NTM: variants seen among roughly 807,000 people sequenced by gnomAD.
NTM encodes the protein neurotrimin.
Under a neutral mutation model 42.1 loss-of-function variants are expected in NTM, and 13 were observed. The ratio of observed to expected loss-of-function variants is 0.31; its 90% CI spans 0.20 to 0.49. The LOEUF (loss-of-function observed/expected upper bound fraction) is 0.49, where lower values mean the gene tolerates loss of function less well. NTM is among the 20% of genes least tolerant of loss of function. The pLI is 0.99. For missense variants in NTM, 373 were observed against 452.8 expected (o/e 0.82, Z 1.60); for synonymous variants, 187 against 179.2 (o/e 1.04, Z -0.35).
intron 1 of NTM, among the ~76,000 whole-genome samples, chr11:131,473,314 C>T (rs1952622248): frequency 6.6e-6 from 1 of 152,082 alleles, no homozygotes; most frequent in Admixed American, 6.5e-5. Flanking sequence ...ATCTCCCATG[C>T]TTTGACAACT....
At chr11:131,435,611 G>T (rs1034199832) in intron 1 of NTM, among the ~76,000 whole-genome samples, 1 of 152,208 alleles carries the variant, frequency 6.6e-6, no homozygotes, top group African/African-American at 2.4e-5. Flanking sequence ...GCATAGGAAT[G>T]CTTGTGATTT....
chr11:131,862,353 T>C (rs1426986582), intron 1 of NTM, among the ~76,000 whole-genome samples: 1 of 152,182 alleles, frequency 6.6e-6, no homozygotes, highest in African/African-American at 2.4e-5. Flanking sequence ...TCAGACAAGA[T>C]AGCAACTTCC....
chr11:131,543,877 A>G (rs1244950862), intron 1 of NTM, among the ~76,000 whole-genome samples: 1 of 152,166 alleles, frequency 6.6e-6, no homozygotes, highest in East Asian at 1.9e-4. Context: ...TGCTCATTCT[A>G]ATTAATAACA....
At chr11:131,875,919 T>C (rs1195710743) in intron 1 of NTM, among the ~76,000 whole-genome samples, 1 of 152,030 alleles carries the variant, frequency 6.6e-6, no homozygotes, top group Non-Finnish European at 1.5e-5. Context: ...GAAGGGTGAG[T>C]GGTGGCAGAG....
chr11:132,240,988 A>ACAGT (rs2090095958), intron 4 of NTM, among the ~76,000 whole-genome samples: 1 of 152,212 alleles, frequency 6.6e-6, no homozygotes, highest in Admixed American at 6.5e-5. Flanking sequence ...GTGAGAGGTC[A>ACAGT]CAGTCAAAAC....
chr11:131,402,765 A>G (rs892793058), intron 1 of NTM, among the ~76,000 whole-genome samples: 4 of 152,200 alleles, frequency 2.6e-5, no homozygotes, highest in African/African-American at 9.7e-5. Flanking sequence ...AGTACTATTG[A>G]ATCTTTACCA....
At chr11:131,633,986 G>A (rs1240614218) in intron 1 of NTM, among the ~76,000 whole-genome samples, 1 of 152,128 alleles carries the variant, frequency 6.6e-6, no homozygotes, top group East Asian at 1.9e-4. Context: ...AAATGAGACA[G>A]CCCAAAATCA....
At chr11:131,463,413 C>T (rs572632314) in intron 1 of NTM, among the ~76,000 whole-genome samples, 8 of 152,222 alleles carry the variant, frequency 5.3e-5, no homozygotes, top group East Asian at 1.9e-4. Context: ...CTGAGCCAAA[C>T]GCTTGACTGC....
chr11:131,497,608 G>A (rs866811984), intron 1 of NTM, among the ~76,000 whole-genome samples: 3 of 152,308 alleles, frequency 2.0e-5, no homozygotes, highest in Middle Eastern at 3.4e-3. Flanking sequence ...CAGAGTGTAG[G>A]ATACAGTAAG....
chr11:132,218,206 A>G (rs1031689566), intron 4 of NTM, among the ~76,000 whole-genome samples: 1 of 152,184 alleles, frequency 6.6e-6, no homozygotes, highest in Non-Finnish European at 1.5e-5. Flanking sequence ...AGGGGAGAAG[A>G]GGGCAAAATG....
chr11:131,840,070 G>A (rs1056159982), intron 1 of NTM, among the ~76,000 whole-genome samples: 3 of 152,228 alleles, frequency 2.0e-5, no homozygotes, highest in Non-Finnish European at 4.4e-5. Flanking sequence ...TAAGGACATC[G>A]CACTTGGTGT....
chr11:132,037,380 A>G (rs1031016235), intron 2 of NTM, among the ~76,000 whole-genome samples: 3 of 152,180 alleles, frequency 2.0e-5, no homozygotes, highest in African/African-American at 7.2e-5. Context: ...CTGCAGTACC[A>G]TGAGCCAAAT....
In NTM at chr11:132,335,846, C is replaced by T. The variant is rs994478752; in HGVS notation, c.*700C>T. 5.3e-5 allele frequency: 8 copies of T among 151,520 alleles called. No homozygotes were observed. Among genetic ancestry groups the T allele is most frequent in the African/African-American group, 1.9e-4 (8 of 41,056 alleles). 9.4% of individuals were successfully genotyped at this position (151,520 alleles called of 1,614,324 possible). The stretch of plus-strand genomic sequence containing the variant: ...ATGAGTCTAGAACTTACTGCAAAAA[C>T]AAGACAAAACTAAAAAAATACAACT... On this transcript the variant is annotated 3_prime_UTR_variant, in exon 9 of 9. Coordinates refer to ENST00000683400, the MANE Select transcript of NTM (RefSeq NM_001352005.2).
intron 1 of NTM, among the ~76,000 whole-genome samples, chr11:131,400,980 CA>C (rs1945071106): frequency 3.0e-4 from 1 of 3,374 alleles, no homozygotes. Context: ...TGCCACCTGC[CA>C]CACACACACA....
rs147618278 is a variant in NTM at position 131,524,235 on chromosome 11, CCTT to C, written c.82+153353_82+153355del. Among the ~76,000 whole-genome samples the C allele has an allele frequency of 6.4e-3, 971 of 152,298 alleles. 4 individuals carry two copies. Among genetic ancestry groups the C allele is most frequent in the South Asian group, 0.013 (62 of 4,816 alleles). On this transcript the variant is annotated intron_variant, in intron 1 of 8. Transcript: ENST00000683400. ...GTGGAAGGCCATGCCCACATGGGCT[CCTT>C]CTTCTCTGTGGTGTCTCAAGATGTT... is the stretch of plus-strand genomic sequence containing the variant.
At chr11:131,429,731 C>G (rs1011849180) in intron 1 of NTM, among the ~76,000 whole-genome samples, 1 of 152,098 alleles carries the variant, frequency 6.6e-6, no homozygotes, top group African/African-American at 2.4e-5. Flanking sequence ...TTCCTGTCTC[C>G]ATATCACCAG....
chr11:131,657,007 A>G (rs964619414), intron 1 of NTM, among the ~76,000 whole-genome samples: 4 of 151,864 alleles, frequency 2.6e-5, no homozygotes, highest in Non-Finnish European at 5.9e-5. Context: ...TCTGGAACTG[A>G]GGGGGTTAAC....
intron 3 of NTM, among the ~76,000 whole-genome samples, chr11:132,151,203 T>C (rs1591839444): frequency 6.6e-6 from 1 of 152,230 alleles, no homozygotes; most frequent in East Asian, 1.9e-4. Context: ...ACTGTCTCCA[T>C]TGTTCCTTTG....
At chr11:131,676,308 A>G in intron 1 of NTM, among the ~76,000 whole-genome samples, 2 of 152,246 alleles carry the variant, frequency 1.3e-5, no homozygotes, top group East Asian at 3.8e-4. Flanking sequence ...CATAAAACAA[A>G]ACCAAGACTG....
Sources: gnomAD v4.1 joint callset for allele counts (sites outside exome capture counted in the v4.1 genomes callset) on GRCh38, gnomAD v4.1.1 for gene constraint, MANE v1.5 for transcripts, NCBI Gene and HGNC (gene_info 2026-07-23, HGNC 2026-07-21) for gene names.